SMOC2: variants seen among roughly 807,000 people sequenced by gnomAD.
The protein encoded by SMOC2 is SPARC related modular calcium binding 2.
A neutral mutation model predicts 61.4 loss-of-function variants in SMOC2; 39 were observed. The observed-to-expected ratio is 0.64, with a 90% confidence interval of 0.49 to 0.83. The LOEUF (loss-of-function observed/expected upper bound fraction) is 0.83, where lower values mean the gene tolerates loss of function less well. SMOC2 is among the 40% of genes least tolerant of loss of function. SMOC2 has a pLI of 0.00. For synonymous variants in SMOC2, 247 were observed against 239.9 expected (o/e 1.03, Z -0.27); for missense variants, 556 against 592.9 (o/e 0.94, Z 0.65).
intron 7 of SMOC2, among the ~76,000 whole-genome samples, chr6:168,562,544 G>C (rs1362111829): frequency 1.3e-5 from 2 of 152,032 alleles, no homozygotes; most frequent in Non-Finnish European, 2.9e-5. Flanking sequence ...TTGGGGGTGA[G>C]GAGGTACTGT....
At chr6:168,571,302 G>A (rs766644768) in intron 7 of SMOC2, among the ~76,000 whole-genome samples, 11 of 152,212 alleles carry the variant, frequency 7.2e-5, no homozygotes, top group Non-Finnish European at 1.3e-4. Flanking sequence ...TGGAAACACC[G>A]GTGGGTGTGT....
intron 8 of SMOC2, 102 bp downstream of exon 8, chr6:168,599,106 A>C (rs1258402546): frequency 1.9e-6 from 2 of 1,045,916 alleles, no homozygotes; most frequent in Admixed American, 2.4e-5. Context: ...ACCGACACAC[A>C]GTCACACACA....
chr6:168,507,613 A>G (rs1041000363), intron 1 of SMOC2, among the ~76,000 whole-genome samples: 2 of 152,218 alleles, frequency 1.3e-5, no homozygotes, highest in African/African-American at 2.4e-5. Flanking sequence ...CACTGCTGGA[A>G]GAGCTCAGTC....
intron 1 of SMOC2, among the ~76,000 whole-genome samples, chr6:168,503,437 C>T (rs1241748018): frequency 1.3e-5 from 2 of 152,124 alleles, no homozygotes; most frequent in African/African-American, 4.8e-5. Context: ...CAGTGAGCTC[C>T]TCCTGGTGAG....
In SMOC2 at chr6:168,588,941, G is replaced by A. The variant is rs184507722; in HGVS notation, c.638-9877G>A. Among the ~76,000 whole-genome samples, 691 of 147,984 alleles carry A rather than the reference G, an allele frequency of 4.7e-3. 5 individuals carry two copies. Among genetic ancestry groups the A allele is most frequent in the African/African-American group, 0.016 (648 of 39,760 alleles). On this transcript the variant is annotated intron_variant, in intron 7 of 12. Transcript: ENST00000356284. ...AAAAAATACAAAAAATTAATTGGGC[G>A]TGGTGGTGTGTCCCTGTAGTCTCAG...
intron 9 of SMOC2, among the ~76,000 whole-genome samples, chr6:168,624,825 A>G (rs1334961893): frequency 2.0e-5 from 3 of 151,474 alleles, no homozygotes; most frequent in Non-Finnish European, 4.4e-5. Context: ...ACATTGACAT[A>G]CAGAAACACA....
intron 12 of SMOC2, chr6:168,664,625 T>G: frequency 2.3e-6 from 1 of 433,286 alleles, no homozygotes. Context: ...CTGCTTCTTT[T>G]GGGGTCCCAG....
At chr6:168,602,049 G>A (rs1020731620) in intron 8 of SMOC2, among the ~76,000 whole-genome samples, 4 of 152,106 alleles carry the variant, frequency 2.6e-5, no homozygotes. Flanking sequence ...CATTCATTCA[G>A]CACAAATACT....
At position 168,667,320 on chromosome 6, in the gene SMOC2, C is replaced by T. The variant is rs569522892; in HGVS notation, c.*882C>T. ...CTCCTGATCCTCCTACCTGGTCCAC[C>T]CCAGGGCTACCGGAAGGTAAAATCT... On this transcript the variant is annotated 3_prime_UTR_variant, in exon 13 of 13. Coordinates refer to ENST00000356284, the MANE Select transcript of SMOC2 (RefSeq NM_001166412.2). 1 of 152,280 alleles carries T rather than the reference C, an allele frequency of 6.6e-6. No homozygotes were observed. Among genetic ancestry groups the T allele is most frequent in the Non-Finnish European group, 1.5e-5 (1 of 68,048 alleles). The allele number at this position is 152,280 out of a possible 1,614,324, so 9.4% of individuals were successfully genotyped here.
At position 168,496,983 on chromosome 6, in the gene SMOC2, C is replaced by T. The variant is rs371718388; in HGVS notation, c.85-12932C>T. On this transcript the variant is annotated intron_variant, in intron 1 of 12. Coordinates refer to ENST00000356284, the MANE Select transcript of SMOC2 (RefSeq NM_001166412.2). ...CTCTCCTCCAGGCGAGGGGAAGATG[C>T]GGCCCCCGGCAAGCATGGGGAAGGC... 3.9e-5 allele frequency among the ~76,000 whole-genome samples: 6 copies of T among 152,364 alleles called. No homozygotes were observed. The South Asian group carries it at 8.3e-4, about 21-fold the overall frequency.
chr6:168,529,084 A>G (rs998223865), intron 4 of SMOC2, among the ~76,000 whole-genome samples: 1 of 152,206 alleles, frequency 6.6e-6, no homozygotes, highest in Non-Finnish European at 1.5e-5. Flanking sequence ...CATGTGCAAA[A>G]TTGGCTGAAT....
intron 7 of SMOC2, among the ~76,000 whole-genome samples, chr6:168,574,090 C>T (rs1219189801): frequency 6.6e-6 from 1 of 152,242 alleles, no homozygotes; most frequent in Non-Finnish European, 1.5e-5. Flanking sequence ...GAAACAAGCG[C>T]ACTCAATATT....
intron 1 of SMOC2, among the ~76,000 whole-genome samples, chr6:168,477,207 T>C (rs1411454809): frequency 1.3e-5 from 2 of 152,186 alleles, no homozygotes; most frequent in Non-Finnish European, 2.9e-5. Context: ...CAGCCCATGC[T>C]AAAGACAAAA....
chr6:168,494,971 C>G (rs1263865065), intron 1 of SMOC2, among the ~76,000 whole-genome samples: 1 of 152,192 alleles, frequency 6.6e-6, no homozygotes, highest in Non-Finnish European at 1.5e-5. Context: ...TCACCTCGCT[C>G]GGCCTTGCCC....
chr6:168,458,030 G>T (rs1562538786), intron 1 of SMOC2, among the ~76,000 whole-genome samples: 1 of 152,122 alleles, frequency 6.6e-6, no homozygotes, highest in Non-Finnish European at 1.5e-5. Flanking sequence ...TGGAATCAAC[G>T]CAACCTGGGC....
intron 1 of SMOC2, among the ~76,000 whole-genome samples, chr6:168,493,773 T>C (rs1302404915): frequency 6.6e-6 from 1 of 152,184 alleles, no homozygotes; most frequent in African/African-American, 2.4e-5. Context: ...TAAGTCCTAG[T>C]TTTTCTTTTC....
chr6:168,464,735 G>A (rs551286046), intron 1 of SMOC2, among the ~76,000 whole-genome samples: 35 of 152,260 alleles, frequency 2.3e-4, no homozygotes, highest in African/African-American at 8.2e-4. Context: ...TGTTTTGAAG[G>A]TTTCCAGATT....
intron 4 of SMOC2, 24 bp downstream of exon 4, chr6:168,527,751 G>T (rs1353607678): frequency 6.9e-7 from 1 of 1,456,034 alleles, no homozygotes; most frequent in Non-Finnish European, 9.4e-7. Flanking sequence ...GCCTTTCCAA[G>T]TGGAAGGCTT....
At position 168,598,978 on chromosome 6, in the gene SMOC2, G is replaced by T. The variant is rs1323548463; in HGVS notation, c.798G>T (p.Gly266=). The change falls in exon 8 of 13, where the codon GGG becomes GGT. Residue 266 remains glycine (G), a synonymous_variant. Coordinates refer to ENST00000356284, the MANE Select transcript of SMOC2 (RefSeq NM_001166412.2). ...GCTGGTGCGTCCTGGTGGACACGGG[G>T]CGCCCCATTCCCGGCACATCCACAA... ...GYCWCVLVDT[G]RPIPGTSTRY... is the part of the protein sequence containing the mutation. 4 of 1,610,914 alleles carry T rather than the reference G, an allele frequency of 2.5e-6. No individual in the cohort carries two copies. The East Asian group carries it at 6.7e-5, about 27-fold the overall frequency.
Sources: gnomAD v4.1 joint callset for allele counts (sites outside exome capture counted in the v4.1 genomes callset) on GRCh38, gnomAD v4.1.1 for gene constraint, MANE v1.5 for transcripts, NCBI Gene and HGNC (gene_info 2026-07-23, HGNC 2026-07-21) for gene names.